The following EFCAB6 variants were observed in gnomAD, a reference collection of about 807,000 sequenced individuals.
EFCAB6 encodes the protein EF-hand calcium-binding domain-containing protein 6.
In EFCAB6, 156 loss-of-function variants were observed where a neutral mutation model predicts 169.8. That is an observed-to-expected ratio of 0.92 (90% CI 0.81 to 1.05). The LOEUF is 1.05. EFCAB6 is among the 50% of genes least tolerant of loss of function. The probability of loss-of-function intolerance (pLI) is 0.00; values close to 1 mark genes in which losing one functional copy is unlikely to be tolerated. For missense variants in EFCAB6, 1,800 were observed against 1,829.1 expected (o/e 0.98, Z 0.29); for synonymous variants, 698 against 676.4 (o/e 1.03, Z -0.50).
intron 8 of EFCAB6, among the ~76,000 whole-genome samples, chr22:43,725,068 T>C (rs764544945): frequency 3.3e-5 from 5 of 151,750 alleles, no homozygotes; most frequent in Non-Finnish European, 5.9e-5. Flanking sequence ...GAGGCCCTCA[T>C]GCTCTGTTGT....
At chr22:43,733,261 A>G (rs1013463212) in intron 7 of EFCAB6, among the ~76,000 whole-genome samples, 1 of 152,214 alleles carries the variant, frequency 6.6e-6, no homozygotes, top group Non-Finnish European at 1.5e-5. Context: ...TATGACTCCA[A>G]TCAGCTCATA....
At chr22:43,643,642 G>A (rs554028983) in intron 17 of EFCAB6, among the ~76,000 whole-genome samples, 34 of 152,166 alleles carry the variant, frequency 2.2e-4, no homozygotes, top group East Asian at 7.7e-4. Flanking sequence ...TGGGAGACGC[G>A]TTGCTCCCTA....
Position 43,572,458 on chromosome 22 carries a change from A to C in EFCAB6, c.3420+3839T>G, listed in dbSNP as rs2147221307. Among the ~76,000 whole-genome samples the C allele has an allele frequency of 6.6e-6, 1 of 152,264 alleles. No homozygotes were observed. The highest frequency in any genetic ancestry group is 6.5e-5 in the Admixed American group (1 of 15,298). ...GGGTATCTTGCTATAGCTCCTGAGC[A>C]GCCTAAGACAGTCCCCATGTCACTC... is the stretch of plus-strand genomic sequence containing the variant. On this transcript the variant is annotated intron_variant, in intron 26 of 31. Coordinates refer to ENST00000262726, the MANE Select transcript of EFCAB6 (RefSeq NM_022785.4). This position sits in a 1 kb window ranked among gnomAD's most constrained non-coding sequence, Gnocchi z 4.0.
intron 5 of EFCAB6, among the ~76,000 whole-genome samples, chr22:43,762,154 CT>C (rs1292388026): frequency 6.6e-6 from 1 of 152,208 alleles, no homozygotes; most frequent in Admixed American, 6.5e-5. Flanking sequence ...TGCAAATCAA[CT>C]TGTAATTACA....
chr22:43,673,765 G>A (rs955497519), intron 13 of EFCAB6, among the ~76,000 whole-genome samples: 2 of 152,114 alleles, frequency 1.3e-5, no homozygotes, highest in African/African-American at 4.8e-5. Context: ...GAGCAATAGA[G>A]TGAGACTCTG....
At chr22:43,671,053 T>C (rs2057469000) in intron 15 of EFCAB6, among the ~76,000 whole-genome samples, 1 of 152,212 alleles carries the variant, frequency 6.6e-6, no homozygotes, top group Non-Finnish European at 1.5e-5. Flanking sequence ...TTGGAGCTGA[T>C]TCAACCCAGG....
intron 20 of EFCAB6, among the ~76,000 whole-genome samples, chr22:43,624,397 T>C (rs1345436936): frequency 6.6e-6 from 1 of 152,112 alleles, no homozygotes; most frequent in Non-Finnish European, 1.5e-5. Context: ...TGCCTACTGA[T>C]AGAAGGTGAC....
Position 43,544,687 on chromosome 22 carries a change from A to G in EFCAB6, c.3649-4330T>C, listed in dbSNP as rs550932783. ...TCCTTTCTGGTTCTCCAGCCCTTCC[A>G]GAGCTTCTGTAAGATCCTAATACCC... On this transcript the variant is annotated intron_variant, in intron 27 of 31. Coordinates refer to ENST00000262726, the MANE Select transcript of EFCAB6 (RefSeq NM_022785.4). 2.6e-5 allele frequency among the ~76,000 whole-genome samples: 4 copies of G among 152,186 alleles called. No individual in the cohort carries two copies. In the South Asian group the frequency reaches 8.3e-4, roughly 32 times the overall value.
At chr22:43,757,108 T>A (rs978492416) in intron 5 of EFCAB6, among the ~76,000 whole-genome samples, 29 of 152,136 alleles carry the variant, frequency 1.9e-4, no homozygotes, top group Non-Finnish European at 3.8e-4. Context: ...AGGAGGAAAC[T>A]GAGTCTCAGA....
intron 2 of EFCAB6, among the ~76,000 whole-genome samples, chr22:43,796,159 A>C (rs569895051): frequency 6.6e-6 from 1 of 152,118 alleles, no homozygotes; most frequent in East Asian, 1.9e-4. Context: ...GCCATCCACA[A>C]TTCCTCACTC....
intron 9 of EFCAB6, among the ~76,000 whole-genome samples, chr22:43,711,840 C>T (rs993461003): frequency 6.6e-6 from 1 of 152,266 alleles, no homozygotes; most frequent in Middle Eastern, 3.4e-3. Flanking sequence ...AAGGCAGACA[C>T]GTTTCCCAGG....
chr22:43,716,668 C>A (rs563096041), intron 9 of EFCAB6, 180 bp downstream of exon 9: 3 of 583,840 alleles, frequency 5.1e-6, no homozygotes, highest in Non-Finnish European at 7.9e-6. Flanking sequence ...ATCACCATCA[C>A]GATTATCCAT....
chr22:43,619,235 C>G (rs188044746), intron 20 of EFCAB6, among the ~76,000 whole-genome samples: 1 of 152,078 alleles, frequency 6.6e-6, no homozygotes, highest in Admixed American at 6.5e-5. Flanking sequence ...CCCTGAAGAG[C>G]GCTGCAATGA....
rs1245969602 is a variant in EFCAB6, at chr22:43,628,300, C to T, written c.2233-1621G>A. ...GAGCCCTCGCTTCCTCTCACACCCA[C>T]ATCCAGTCTGCCCACACATCCCGCT... On this transcript the variant is annotated intron_variant, in intron 19 of 31. Coordinates refer to ENST00000262726, the MANE Select transcript of EFCAB6 (RefSeq NM_022785.4). The surrounding 1 kb of genome is among the most constrained non-coding windows in gnomAD (Gnocchi z 4.8). Among the ~76,000 whole-genome samples, 1 of 152,132 alleles carries T rather than the reference C, an allele frequency of 6.6e-6. No homozygotes were observed. The highest frequency in any genetic ancestry group is 1.5e-5 in the Non-Finnish European group (1 of 68,012).
intron 4 of EFCAB6, among the ~76,000 whole-genome samples, chr22:43,771,273 A>C (rs886910258): frequency 1.3e-5 from 2 of 152,104 alleles, no homozygotes; most frequent in African/African-American, 4.8e-5. Context: ...TCTACTAAAA[A>C]TTTAAAAATT....
At chr22:43,808,589 G>A (rs1200768687) in intron 2 of EFCAB6, among the ~76,000 whole-genome samples, 1 of 152,154 alleles carries the variant, frequency 6.6e-6, no homozygotes, top group African/African-American at 2.4e-5. Context: ...TAGCTATTTG[G>A]TAGCTGTTAT....
At chr22:43,649,369 C>G (rs527721730) in intron 17 of EFCAB6, among the ~76,000 whole-genome samples, 1 of 152,016 alleles carries the variant, frequency 6.6e-6, no homozygotes, top group Non-Finnish European at 1.5e-5. Flanking sequence ...ATAAGACCAG[C>G]AAAAATTTAA....
intron 5 of EFCAB6, 64 bp from the exon 6 acceptor site, chr22:43,755,896 T>C (rs546249222): frequency 8.7e-6 from 12 of 1,374,686 alleles, no homozygotes; most frequent in African/African-American, 1.5e-5. Context: ...ACATAGGATA[T>C]GCAGAGATCA....
chr22:43,600,355 AG>A, intron 22 of EFCAB6, 92 bp from the exon 23 acceptor site: 1 of 1,303,816 alleles, frequency 7.7e-7, no homozygotes, highest in Non-Finnish European at 1.1e-6. Context: ...ACCATCCATG[AG>A]GAGCTCGTCT....
Sources: allele counts gnomAD v4.1 joint callset (sites outside exome capture counted in the v4.1 genomes callset), GRCh38; gene constraint gnomAD v4.1.1; non-coding constraint Gnocchi (gnomAD v3.1); transcripts MANE v1.5; gene names NCBI Gene and HGNC (gene_info 2026-07-23, HGNC 2026-07-21).